The following KGD4 variants were observed in gnomAD, a reference collection of about 807,000 sequenced individuals.
KGD4 encodes alpha-ketoglutarate dehydrogenase subunit 4.
At chr5:69,225,258 C>T in the KGD4 span, among the ~76,000 whole-genome samples, 6 of 138,682 alleles carry the variant, frequency 4.3e-5, no homozygotes, top group Non-Finnish European at 7.7e-5. Flanking sequence ...GCACATAGCA[C>T]CACATTTTTT....
chr5:69,222,161 ACTGT>A, the KGD4 span, among the ~76,000 whole-genome samples: 1 of 151,886 alleles, frequency 6.6e-6, no homozygotes, highest in South Asian at 2.1e-4. Flanking sequence ...TCTGTCTCTG[ACTGT>A]CCAGGAGCTT....
chr5:69,219,075 A>G, the KGD4 span, among the ~76,000 whole-genome samples: 4 of 152,238 alleles, frequency 2.6e-5, no homozygotes, highest in African/African-American at 9.6e-5. Context: ...ATTACTTGCC[A>G]GGAAAATAAA....
chr5:69,217,834 T>C, the KGD4 span: 1 of 1,613,862 alleles, frequency 6.2e-7, no homozygotes, highest in Non-Finnish European at 8.5e-7. Flanking sequence ...GGGGTCATGA[T>C]GGGCAGCAAG....
chr5:69,219,627 C>T, the KGD4 span, among the ~76,000 whole-genome samples: 27 of 152,122 alleles, frequency 1.8e-4, no homozygotes, highest in South Asian at 5.2e-3. Flanking sequence ...GCCCTTCTAA[C>T]ATAGGAACAA....
At chr5:69,218,497 T>TGTGTGTGTGTGTGTGTATAA in the KGD4 span, among the ~76,000 whole-genome samples, 1 of 150,212 alleles carries the variant, frequency 6.7e-6, no homozygotes, top group African/African-American at 2.5e-5. Flanking sequence ...TGTGTGTGTG[T>TGTGTGTGTGTGTGTGTATAA]GTATAAGCGT....
the KGD4 span, among the ~76,000 whole-genome samples, chr5:69,221,045 C>T: frequency 2.6e-5 from 4 of 152,118 alleles, no homozygotes; most frequent in Admixed American, 2.6e-4. Context: ...GTAAACACTG[C>T]GGAAGGCCGC....
chr5:69,220,982 C>A, the KGD4 span, among the ~76,000 whole-genome samples: 4 of 152,096 alleles, frequency 2.6e-5, no homozygotes, highest in Non-Finnish European at 5.9e-5. Context: ...TGCTTGAAGG[C>A]AGCATGCTCG....
the KGD4 span, among the ~76,000 whole-genome samples, chr5:69,219,791 C>A: frequency 6.6e-6 from 1 of 152,132 alleles, no homozygotes; most frequent in Non-Finnish European, 1.5e-5. Flanking sequence ...CCCCACTGCA[C>A]CCCAGCCTGT....
the KGD4 span, among the ~76,000 whole-genome samples, chr5:69,221,155 T>G: frequency 6.9e-6 from 1 of 145,940 alleles, no homozygotes; most frequent in Non-Finnish European, 1.5e-5. Flanking sequence ...CATCCCCCTC[T>G]CCGAGAAACA....
the KGD4 span, among the ~76,000 whole-genome samples, chr5:69,227,115 C>G: frequency 1.3e-5 from 2 of 152,134 alleles, no homozygotes; most frequent in East Asian, 3.9e-4. Context: ...AGGTGATCTG[C>G]CTGCCTCCGC....
At chr5:69,221,503 C>T in the KGD4 span, among the ~76,000 whole-genome samples, 4 of 152,132 alleles carry the variant, frequency 2.6e-5, no homozygotes, top group South Asian at 8.3e-4. Flanking sequence ...TGATCTTTGA[C>T]AAAACGAGCA....
the KGD4 span, among the ~76,000 whole-genome samples, chr5:69,226,089 A>T: frequency 6.6e-6 from 1 of 152,156 alleles, no homozygotes; most frequent in Non-Finnish European, 1.5e-5. Context: ...CATCTCCTCC[A>T]TTGGGTTGCT....
At chr5:69,218,823 C>T in the KGD4 span, among the ~76,000 whole-genome samples, 1 of 152,120 alleles carries the variant, frequency 6.6e-6, no homozygotes, top group African/African-American at 2.4e-5. Context: ...GAATGATAAT[C>T]CTAGATCCCA....
the KGD4 span, among the ~76,000 whole-genome samples, chr5:69,228,836 G>A: frequency 6.6e-6 from 1 of 151,958 alleles, no homozygotes; most frequent in Non-Finnish European, 1.5e-5. Flanking sequence ...CCAATGTGGT[G>A]AAACCTCGTC....
chr5:69,218,029 C>T, the KGD4 span: 2 of 1,207,076 alleles, frequency 1.7e-6, no homozygotes, highest in Non-Finnish European at 2.3e-6. Context: ...GAGGATGGGA[C>T]TTTGAGCCTG....
the KGD4 span, among the ~76,000 whole-genome samples, chr5:69,220,895 G>A: frequency 1.8e-4 from 28 of 152,060 alleles, no homozygotes; most frequent in Admixed American, 3.3e-4. Flanking sequence ...CCCCAACCCC[G>A]TGCTCTCTGA....
At chr5:69,229,622 C>T in the KGD4 span, 191 of 159,136 alleles carry the variant, frequency 1.2e-3, 2 homozygotes, top group African/African-American at 4.4e-3. Flanking sequence ...GTTTTAGGGA[C>T]ATGATTTTCC....
At chr5:69,221,188 TA>T in the KGD4 span, among the ~76,000 whole-genome samples, 1,560 of 130,854 alleles carry the variant, frequency 0.012, 15 homozygotes, top group African/African-American at 0.026. Context: ...CAATAAATAC[TA>T]AAAAAAAAAA....
At chr5:69,226,871 C>T in the KGD4 span, among the ~76,000 whole-genome samples, 1 of 151,684 alleles carries the variant, frequency 6.6e-6, no homozygotes, top group South Asian at 2.1e-4. Context: ...ATTATTACCT[C>T]TATTTTATTT....
Sources: allele counts gnomAD v4.1 joint callset (sites outside exome capture counted in the v4.1 genomes callset), GRCh38; gene constraint gnomAD v4.1.1; transcripts MANE v1.5; gene names NCBI Gene and HGNC (gene_info 2026-07-23, HGNC 2026-07-21).